Variants in NRXN3 observed in about 807,000 individuals in gnomAD.
NRXN3 encodes the protein neurexin 3.
NRXN3 carries 32 observed loss-of-function variants against 137.6 expected under a neutral mutation model. The ratio of observed to expected loss-of-function variants is 0.23; its 90% confidence interval spans 0.18 to 0.31. The LOEUF is 0.31. Among genes scored for constraint, NRXN3 ranks in the 10% least tolerant of loss-of-function variants. The probability of loss-of-function intolerance (pLI) is 1.00; values close to 1 mark genes in which losing one functional copy is unlikely to be tolerated. For missense variants in NRXN3, 1,574 were observed against 2,062.5 expected (o/e 0.76, Z 4.59); for synonymous variants, 798 against 784.5 (o/e 1.02, Z -0.29).
chr14:78,639,306 A>G, intron 4 of NRXN3, among the ~76,000 whole-genome samples: 1 of 152,236 alleles, frequency 6.6e-6, no homozygotes, highest in East Asian at 1.9e-4. Flanking sequence ...CAAAGGCTGC[A>G]TGCTACAATG....
At chr14:79,459,171 C>T (rs942989100) in intron 15 of NRXN3, among the ~76,000 whole-genome samples, 2 of 152,008 alleles carry the variant, frequency 1.3e-5, no homozygotes, top group Non-Finnish European at 1.5e-5. Flanking sequence ...GTAGTTTTAC[C>T]TTATTCTATA....
chr14:78,413,092 G>A (rs1015084061), intron 4 of NRXN3, among the ~76,000 whole-genome samples: 1 of 152,120 alleles, frequency 6.6e-6, no homozygotes, highest in Non-Finnish European at 1.5e-5. Flanking sequence ...CTGAGATGGG[G>A]ATTCTTCTTT....
chr14:78,568,260 T>G (rs997892351), intron 4 of NRXN3, among the ~76,000 whole-genome samples: 2 of 152,188 alleles, frequency 1.3e-5, no homozygotes, highest in South Asian at 4.1e-4. Flanking sequence ...GCTTTGGGAT[T>G]AGTGCTCTTA....
At chr14:79,268,636 T>C (rs1258350378) in intron 15 of NRXN3, among the ~76,000 whole-genome samples, 1 of 152,150 alleles carries the variant, frequency 6.6e-6, no homozygotes, top group African/African-American at 2.4e-5. Flanking sequence ...GACTTAGAAC[T>C]TGCACACATA....
At chr14:79,598,366 C>T (rs537672025) in intron 16 of NRXN3, among the ~76,000 whole-genome samples, 23 of 152,252 alleles carry the variant, frequency 1.5e-4, no homozygotes, top group South Asian at 1.5e-3. Flanking sequence ...CAGGAATTTT[C>T]CCCTGAACAT....
chr14:79,537,597 C>T (rs1319008647), intron 16 of NRXN3, among the ~76,000 whole-genome samples: 2 of 152,128 alleles, frequency 1.3e-5, no homozygotes, highest in Non-Finnish European at 2.9e-5. Flanking sequence ...CAGCTTCATC[C>T]ATGTCCCTAC....
intron 4 of NRXN3, among the ~76,000 whole-genome samples, chr14:78,547,451 G>A (rs2096647376): frequency 6.6e-6 from 1 of 151,868 alleles, no homozygotes; most frequent in African/African-American, 2.4e-5. Flanking sequence ...ACCCTCCTCG[G>A]CCTCCCAATT....
intron 15 of NRXN3, among the ~76,000 whole-genome samples, chr14:79,102,218 T>C (rs1204603374): frequency 1.3e-5 from 2 of 152,194 alleles, no homozygotes; most frequent in Admixed American, 6.6e-5. Flanking sequence ...GTTCCTTACA[T>C]CTTTCTCACC....
At chr14:79,854,915 C>T (rs2099399326) in intron 20 of NRXN3, among the ~76,000 whole-genome samples, 1 of 152,136 alleles carries the variant, frequency 6.6e-6, no homozygotes, top group Non-Finnish European at 1.5e-5. Context: ...TCAAGAATCC[C>T]AGGTGTTTCG....
In NRXN3 at chr14:79,023,707, G is replaced by A. The variant is rs191422153; in HGVS notation, c.3262+35566G>A. 1.3e-4 allele frequency among the ~76,000 whole-genome samples: 20 copies of A among 152,230 alleles called. No individual in the cohort carries two copies. The East Asian group carries it at 2.1e-3, about 16-fold the overall frequency. ...AGGCGACAGGAAGGAGAAGTGCCGA[G>A]CAAAGGGGAAAGGCCCCTTAGAAAA... On this transcript the variant is annotated intron_variant, in intron 15 of 20. Coordinates refer to ENST00000335750, the MANE Select transcript of NRXN3 (RefSeq NM_001330195.2).
chr14:78,552,108 A>C (rs1189080707), intron 4 of NRXN3, among the ~76,000 whole-genome samples: 1 of 152,134 alleles, frequency 6.6e-6, no homozygotes, highest in African/African-American at 2.4e-5. Flanking sequence ...TTAATTCAAG[A>C]AGATTTGGAT....
At chr14:79,178,672 G>T (rs1038923026) in intron 15 of NRXN3, among the ~76,000 whole-genome samples, 4 of 152,050 alleles carry the variant, frequency 2.6e-5, no homozygotes, top group Admixed American at 6.6e-5. Context: ...TGTGTTTTGG[G>T]GGATAGATTA....
At chr14:78,237,806 G>A (rs1368421934) in intron 1 of NRXN3, among the ~76,000 whole-genome samples, 1 of 152,148 alleles carries the variant, frequency 6.6e-6, no homozygotes, top group Non-Finnish European at 1.5e-5. Flanking sequence ...GTGAACATGG[G>A]GCAAAACCAC....
At chr14:78,550,832 C>A (rs1316800237) in intron 4 of NRXN3, among the ~76,000 whole-genome samples, 1 of 152,170 alleles carries the variant, frequency 6.6e-6, no homozygotes, top group Non-Finnish European at 1.5e-5. Context: ...AGGACAGCAA[C>A]ACATATCTAT....
At chr14:78,686,548 C>T (rs2098127490) in intron 6 of NRXN3, among the ~76,000 whole-genome samples, 1 of 152,190 alleles carries the variant, frequency 6.6e-6, no homozygotes, top group African/African-American at 2.4e-5. Context: ...CCACAGCCTC[C>T]CTCATATTGA....
At chr14:78,328,507 C>T (rs966146155) in intron 4 of NRXN3, among the ~76,000 whole-genome samples, 5 of 152,136 alleles carry the variant, frequency 3.3e-5, no homozygotes, top group African/African-American at 1.2e-4. Flanking sequence ...GAAACAAGAG[C>T]TTGTCTCTGG....
chr14:79,812,223 G>A (rs2140871936), intron 20 of NRXN3, among the ~76,000 whole-genome samples: 1 of 152,280 alleles, frequency 6.6e-6, no homozygotes, highest in South Asian at 2.1e-4. Context: ...ATGTATGAGT[G>A]TATATACTTC....
intron 4 of NRXN3, among the ~76,000 whole-genome samples, chr14:78,633,491 T>C (rs142057323): frequency 1.1e-3 from 169 of 152,258 alleles, no homozygotes; most frequent in African/African-American, 4.0e-3. Flanking sequence ...CTTTCACCTA[T>C]CCATTCAGAT....
At chr14:78,713,601 A>T (rs1205492452) in intron 7 of NRXN3, among the ~76,000 whole-genome samples, 1 of 152,176 alleles carries the variant, frequency 6.6e-6, no homozygotes, top group East Asian at 1.9e-4. Flanking sequence ...GCTAATAAAG[A>T]CAAACCCAAG....
Sources: gnomAD v4.1 joint callset for allele counts (sites outside exome capture counted in the v4.1 genomes callset) on GRCh38, gnomAD v4.1.1 for gene constraint, MANE v1.5 for transcripts, NCBI Gene and HGNC (gene_info 2026-07-23, HGNC 2026-07-21) for gene names.